NRG3: variants seen among roughly 807,000 people sequenced by gnomAD.
NRG3 encodes neuregulin 3, also known as pro-neuregulin-3, membrane-bound isoform.
In NRG3, 31 loss-of-function variants were observed where a neutral mutation model predicts 66.9. The ratio of observed to expected loss-of-function variants is 0.46; its 90% CI spans 0.35 to 0.63. NRG3 has a LOEUF of 0.63. Ranked by LOEUF, NRG3 falls within the 20% of genes least tolerant of loss-of-function variation. The pLI is 0.00. For synonymous variants in NRG3, 393 were observed against 359.4 expected (o/e 1.09, Z -1.06); for missense variants, 910 against 878.9 (o/e 1.04, Z -0.45).
At chr10:82,846,578 G>T (rs2063318433) in intron 3 of NRG3, among the ~76,000 whole-genome samples, 1 of 152,128 alleles carries the variant, frequency 6.6e-6, no homozygotes, top group Admixed American at 6.5e-5. Context: ...TTCAAAGGTA[G>T]AAGATTCTCT....
chr10:82,708,316 A>T (rs1007073044), intron 2 of NRG3, among the ~76,000 whole-genome samples: 3 of 151,982 alleles, frequency 2.0e-5, no homozygotes, highest in Non-Finnish European at 4.4e-5. Flanking sequence ...TTTCTTTCCA[A>T]CATGTATTTT....
intron 3 of NRG3, among the ~76,000 whole-genome samples, chr10:82,821,144 C>G (rs1291887452): frequency 6.6e-6 from 1 of 152,192 alleles, no homozygotes; most frequent in Non-Finnish European, 1.5e-5. Flanking sequence ...GTCAGATGGA[C>G]CTTAACTCAC....
chr10:82,199,577 A>G (rs899350108), intron 1 of NRG3, among the ~76,000 whole-genome samples: 4 of 152,334 alleles, frequency 2.6e-5, no homozygotes, highest in Admixed American at 1.3e-4. Flanking sequence ...CTTAAATAGA[A>G]ATAGTTTTAG....
intron 1 of NRG3, among the ~76,000 whole-genome samples, chr10:82,302,214 G>A (rs1334864607): frequency 2.0e-5 from 3 of 151,850 alleles, no homozygotes; most frequent in South Asian, 2.1e-4. Context: ...GCTGAAACCT[G>A]TATTTATTTT....
chr10:82,714,754 T>C (rs1176292428), intron 2 of NRG3, among the ~76,000 whole-genome samples: 1 of 152,202 alleles, frequency 6.6e-6, no homozygotes, highest in Non-Finnish European at 1.5e-5. Context: ...ATGTATATAG[T>C]TCTCATTTAA....
chr10:81,876,241 G>A lies in NRG3; in HGVS notation c.823+78G>A, dbSNP rs1841631529. ...CCTCCTGCTGTCTTTTTCCCTCGCC[G>A]CCTGTTTTCTAGCAAGCCCCCTCCC... On this transcript the variant is annotated intron_variant, in intron 1 of 8. Transcript: ENST00000372141. The A allele has an allele frequency of 3.4e-6, 5 of 1,485,226 alleles. No individual in the cohort carries two copies. The South Asian group carries it at 4.0e-5, about 12-fold the overall frequency. 92.0% of individuals were successfully genotyped at this position (1,485,226 alleles called of 1,614,324 possible). A position where few individuals can be genotyped will look rare whatever the true frequency, so the allele number is the denominator to read the frequency against.
chr10:82,692,782 G>T (rs1278659757), intron 2 of NRG3, among the ~76,000 whole-genome samples: 2 of 152,218 alleles, frequency 1.3e-5, no homozygotes, highest in African/African-American at 4.8e-5. Flanking sequence ...TGGAGATTCT[G>T]CAGGGATTCT....
At chr10:81,971,184 A>C (rs2059920246) in intron 1 of NRG3, among the ~76,000 whole-genome samples, 1 of 152,234 alleles carries the variant, frequency 6.6e-6, no homozygotes, top group South Asian at 2.1e-4. Flanking sequence ...TGCCTATGCA[A>C]GTGAAGAGCC....
intron 2 of NRG3, among the ~76,000 whole-genome samples, chr10:82,629,159 C>A (rs968451960): frequency 3.3e-5 from 5 of 152,222 alleles, no homozygotes; most frequent in African/African-American, 1.2e-4. Context: ...GGCTGTGCAA[C>A]CTTTTCCCAG....
intron 4 of NRG3, among the ~76,000 whole-genome samples, chr10:82,924,312 A>G (rs1044869729): frequency 4.6e-5 from 7 of 152,032 alleles, no homozygotes; most frequent in Non-Finnish European, 1.0e-4. Context: ...ATGTTCAATG[A>G]ATCAATCGCC....
intron 3 of NRG3, among the ~76,000 whole-genome samples, chr10:82,764,275 T>C (rs1280576308): frequency 6.6e-6 from 1 of 152,090 alleles, no homozygotes; most frequent in Non-Finnish European, 1.5e-5. Context: ...CCTCAAGTGA[T>C]CTGCCCGCTT....
intron 2 of NRG3, among the ~76,000 whole-genome samples, chr10:82,655,950 C>T (rs1202127351): frequency 1.3e-5 from 2 of 152,088 alleles, no homozygotes; most frequent in African/African-American, 4.8e-5. Context: ...TATTAGTTTG[C>T]ACTCTGAAAT....
chr10:82,304,212 G>T (rs993971695), intron 1 of NRG3, among the ~76,000 whole-genome samples: 1 of 152,074 alleles, frequency 6.6e-6, no homozygotes, highest in Non-Finnish European at 1.5e-5. Flanking sequence ...AAATTGTATC[G>T]CTGTGCAATT....
chr10:82,340,077 T>C (rs1403052683), intron 1 of NRG3, among the ~76,000 whole-genome samples: 4 of 152,160 alleles, frequency 2.6e-5, no homozygotes, highest in African/African-American at 4.8e-5. Flanking sequence ...CTTCTCTTGA[T>C]TGACTTTGTT....
At chr10:82,579,898 G>T (rs2046253927) in intron 2 of NRG3, among the ~76,000 whole-genome samples, 1 of 151,862 alleles carries the variant, frequency 6.6e-6, no homozygotes, top group South Asian at 2.1e-4. Flanking sequence ...TGAAAATTAT[G>T]CTAAGAGCTT....
intron 2 of NRG3, among the ~76,000 whole-genome samples, chr10:82,684,452 C>G (rs1468406684): frequency 6.6e-6 from 1 of 151,976 alleles, no homozygotes; most frequent in Non-Finnish European, 1.5e-5. Context: ...CTATAGAAAC[C>G]TTCCCTTCCA....
intron 3 of NRG3, among the ~76,000 whole-genome samples, chr10:82,826,995 A>G (rs567659977): frequency 6.6e-6 from 1 of 152,218 alleles, no homozygotes; most frequent in East Asian, 1.9e-4. Flanking sequence ...TACTTTCTAA[A>G]TGGATCCATT....
At chr10:82,176,606 G>A (rs535741382) in intron 1 of NRG3, among the ~76,000 whole-genome samples, 1 of 152,084 alleles carries the variant, frequency 6.6e-6, no homozygotes, top group South Asian at 2.1e-4. Flanking sequence ...CATCTCCAGC[G>A]GTGTTTGGTT....
At chr10:82,003,767 C>G (rs2061264808) in intron 1 of NRG3, among the ~76,000 whole-genome samples, 1 of 151,984 alleles carries the variant, frequency 6.6e-6, no homozygotes, top group Admixed American at 6.6e-5. Context: ...TGTCTGTTGA[C>G]CTATCTTTTG....
Sources: allele counts gnomAD v4.1 joint callset (sites outside exome capture counted in the v4.1 genomes callset), GRCh38; gene constraint gnomAD v4.1.1; transcripts MANE v1.5; gene names NCBI Gene and HGNC (gene_info 2026-07-23, HGNC 2026-07-21).